Variants in EXOC3 observed in about 807,000 individuals in gnomAD.
EXOC3 encodes SEC6-like 1.
In EXOC3, 21 loss-of-function variants were observed where a neutral mutation model predicts 73.7. The ratio of observed to expected loss-of-function variants is 0.29; its 90% confidence interval spans 0.20 to 0.41. The LOEUF (loss-of-function observed/expected upper bound fraction) is 0.41, where lower values mean the gene tolerates loss of function less well. Ranked by LOEUF, EXOC3 falls within the 10% of genes least tolerant of loss-of-function variation. EXOC3 has a pLI of 1.00. For missense variants in EXOC3, 842 were observed against 985.1 expected (o/e 0.85, Z 1.95); for synonymous variants, 410 against 389.1 (o/e 1.05, Z -0.63).
chr5:466,794 A>G lies in EXOC3; in HGVS notation c.2134A>G (p.Met712Val). The change falls in exon 13 of 13, where the codon ATG becomes GTG. Residue 712 changes from methionine to valine, a missense_variant. By Grantham distance (21) the Met-to-Val change is conservative. Coordinates refer to ENST00000512944, the MANE Select transcript of EXOC3 (RefSeq NM_007277.5). ...CAGCCGTGACATGAAGCAGACCATC[A>G]TGGAGACCCTGGAGCAGGGCCCAGC... Reference protein sequence around the residue: ...DASRDMKQTIMETLEQGPAQA... With the variant: ...DASRDMKQTIVETLEQGPAQA... 1.9e-6 allele frequency: 3 copies of G among 1,613,466 alleles called. No homozygotes were observed. Among genetic ancestry groups the G allele is most frequent in the East Asian group, 2.2e-5 (1 of 44,880 alleles).
chr5:465,156 C>T lies in EXOC3; in HGVS notation c.1822C>T (p.Arg608Trp). The T allele has an allele frequency of 1.9e-6, 3 of 1,596,140 alleles. No individual in the cohort carries two copies. Among genetic ancestry groups the T allele is most frequent in the Non-Finnish European group, 2.6e-6 (3 of 1,172,170 alleles). ...CCGGCGCGTGGTGGTGGAGTACCTG[C>T]GGGCGGTCATGCAGAAGCGCATTTC... ...AHRRVVVEYLRAVMQKRISFR... is the reference protein window; with the variant it reads ...AHRRVVVEYLWAVMQKRISFR... The change falls in exon 11 of 13, where the codon CGG becomes TGG. Residue 608 changes from arginine (R) to tryptophan (W), a missense_variant. Coordinates refer to ENST00000512944, the MANE Select transcript of EXOC3 (RefSeq NM_007277.5).
chr5:465,758 T>C lies in EXOC3; in HGVS notation c.1979T>C (p.Val660Ala). ...GTGGACGGATACTGCGACACCATCG[T>C]GGCTGTGGCCGAAGTGATCAAGCTG... ...EDVDGYCDTI[V>A]AVAEVIKLTD... The change falls in exon 12 of 13, where the codon GTG becomes GCG. Residue 660 changes from valine to alanine, a missense_variant. Val to Ala is a moderately conservative substitution (Grantham distance 64, BLOSUM62 0). Coordinates refer to ENST00000512944, the MANE Select transcript of EXOC3 (RefSeq NM_007277.5). 1 of 1,613,904 alleles carries C rather than the reference T, an allele frequency of 6.2e-7. No individual in the cohort carries two copies. Among genetic ancestry groups the C allele is most frequent in the Non-Finnish European group, 8.5e-7 (1 of 1,179,846 alleles).
At chr5:464,130 C>G (rs1375474630) in intron 9 of EXOC3, among the ~76,000 whole-genome samples, 160 bp from the exon 10 acceptor site, 1 of 151,394 alleles carries the variant, frequency 6.6e-6, no homozygotes, top group Admixed American at 6.6e-5. Context: ...CCACGCTGCA[C>G]GCAGCTCTCG....
chr5:458,085 G>T, intron 6 of EXOC3, 60 bp downstream of exon 6: 1 of 1,546,062 alleles, frequency 6.5e-7, no homozygotes, highest in Admixed American at 1.9e-5. Context: ...GGACCTGTAG[G>T]TTTTACAAAG....
At chr5:460,488 C>A (rs56218301) in intron 7 of EXOC3, among the ~76,000 whole-genome samples, 21,306 of 152,266 alleles carry the variant, frequency 0.14, 1,948 homozygotes, top group Non-Finnish European at 0.2. Flanking sequence ...CTCAGAGTTC[C>A]CATTTGCCAT....
At chr5:462,129 G>A (rs1266188573) in intron 8 of EXOC3, 28 bp from the exon 9 acceptor site, 26 of 1,612,888 alleles carry the variant, frequency 1.6e-5, no homozygotes, top group Non-Finnish European at 2.1e-5. Context: ...CCCAGCCGCT[G>A]TGTTGAACCT....
chr5:456,640 G>A (rs953959256), intron 4 of EXOC3, among the ~76,000 whole-genome samples: 2 of 152,082 alleles, frequency 1.3e-5, no homozygotes, highest in Non-Finnish European at 2.9e-5. Context: ...CAAAGCCCTC[G>A]GCCCCTGCCC....
At position 455,522 on chromosome 5, in the gene EXOC3, C is replaced by T. The variant is rs191438699; in HGVS notation, c.1047-1367C>T. On this transcript the variant is annotated intron_variant, in intron 4 of 12. Coordinates refer to ENST00000512944, the MANE Select transcript of EXOC3 (RefSeq NM_007277.5). ...AGTACTTTTTCACTTAGGAAGCTCT[C>T]GGATTTCTTATAGTGGACTGGCTCT... is the stretch of plus-strand genomic sequence containing the variant. Among the ~76,000 whole-genome samples, 155 of 152,320 alleles carry T rather than the reference C, an allele frequency of 1.0e-3. No homozygotes were observed. In the South Asian group the frequency reaches 0.016, roughly 15 times the overall value.
At chr5:447,468 T>G in intron 2 of EXOC3, 65 bp from the exon 3 acceptor site, 2 of 1,225,978 alleles carry the variant, frequency 1.6e-6, no homozygotes, top group Non-Finnish European at 2.2e-6. Flanking sequence ...GGGGAAGATT[T>G]GTTCTTCAGG....
chr5:464,439 A>G (rs971618473), intron 10 of EXOC3, 27 bp downstream of exon 10: 1 of 1,610,412 alleles, frequency 6.2e-7, no homozygotes, highest in Non-Finnish European at 8.5e-7. Flanking sequence ...TAGTTCCCTC[A>G]TCACCTTGAC....
chr5:464,310 G>A lies in EXOC3; in HGVS notation c.1674G>A (p.Met558Ile), dbSNP rs146796409. 2 of 1,613,538 alleles carry A rather than the reference G, an allele frequency of 1.2e-6. No individual in the cohort carries two copies. Among genetic ancestry groups the A allele is most frequent in the African/African-American group, 1.3e-5 (1 of 75,054 alleles). ...TTCAGCAACATCTGAATGAATTGAT[G>A]ACGAAGAAGTGGCTATTAGGGTCAA... ...LDLEQHLNEL[M>I]TKKWLLGSNA... Residue 558 changes from methionine to isoleucine, a missense_variant, in exon 10 of 13, where the codon ATG (methionine) becomes ATA (isoleucine). Met to Ile is a conservative substitution (Grantham distance 10). Coordinates refer to ENST00000512944, the MANE Select transcript of EXOC3 (RefSeq NM_007277.5).
intron 2 of EXOC3, 60 bp from the exon 3 acceptor site, chr5:447,473 T>G (rs1219549762): frequency 1.6e-6 from 2 of 1,282,196 alleles, no homozygotes; most frequent in Admixed American, 2.6e-5. Context: ...AGATTTGTTC[T>G]TCAGGAGGCA....
rs1314934327 is a variant in EXOC3 at position 466,975 on chromosome 5, T to G, written c.*77T>G. 15 of 1,405,020 alleles carry G rather than the reference T, an allele frequency of 1.1e-5. No individual in the cohort carries two copies. The highest frequency in any genetic ancestry group is 1.4e-5 in the African/African-American group (1 of 70,012). 87.0% of individuals were successfully genotyped at this position (1,405,020 alleles called of 1,614,324 possible). A position where few individuals can be genotyped will look rare whatever the true frequency, so the allele number is the denominator to read the frequency against. ...AGAAACGCGGGACAGCTGATTGCTC[T>G]CCTTGGCCACACGTGCTCCTTTTAG... is the stretch of plus-strand genomic sequence containing the variant. On this transcript the variant is annotated 3_prime_UTR_variant, in exon 13 of 13. Coordinates refer to ENST00000512944, the MANE Select transcript of EXOC3 (RefSeq NM_007277.5).
At position 453,352 on chromosome 5, in the gene EXOC3, C is replaced by T. The variant is rs1237438517; in HGVS notation, c.365-18C>T. On this transcript the variant is annotated intron_variant, in intron 3 of 12. Transcript: ENST00000512944. Reference sequence around the variant, plus strand: ...GTGGTGGTGGTTGTTTATGTTGTGTCTTGTGCCTTCTCCCTAGTGCCTGAG... The same window carrying T: ...GTGGTGGTGGTTGTTTATGTTGTGTTTTGTGCCTTCTCCCTAGTGCCTGAG... 1.2e-5 allele frequency: 19 copies of T among 1,549,800 alleles called. No individual in the cohort carries two copies. Among genetic ancestry groups the T allele is most frequent in the Non-Finnish European group, 1.7e-5 (19 of 1,144,004 alleles).
At chr5:464,225 C>T in intron 9 of EXOC3, 65 bp from the exon 10 acceptor site, 1 of 1,552,002 alleles carries the variant, frequency 6.4e-7, no homozygotes, top group South Asian at 1.1e-5. Flanking sequence ...GCCTCCCTCC[C>T]ACATGCACTC....
At chr5:451,423 A>T (rs1737656457) in intron 3 of EXOC3, among the ~76,000 whole-genome samples, 1 of 152,180 alleles carries the variant, frequency 6.6e-6, no homozygotes, top group African/African-American at 2.4e-5. Flanking sequence ...TAATGCATTC[A>T]TTTTTAAAAA....
rs772315028 is a variant in EXOC3 at position 458,046 on chromosome 5, G to A, written c.1290+21G>A. On this transcript the variant is annotated intron_variant, in intron 6 of 12. Coordinates refer to ENST00000512944, the MANE Select transcript of EXOC3 (RefSeq NM_007277.5). Reference sequence around the variant, plus strand: ...TCCAGGTACCACCTGCAGGGGACTGGCACAGTTCCGTTTCCTAGGTGGATA... The same window carrying A: ...TCCAGGTACCACCTGCAGGGGACTGACACAGTTCCGTTTCCTAGGTGGATA... 3 of 1,608,364 alleles carry A rather than the reference G, an allele frequency of 1.9e-6. No individual in the cohort carries two copies. The South Asian group carries it at 3.3e-5, about 18-fold the overall frequency.
At chr5:447,891 C>G in intron 3 of EXOC3, 139 bp downstream of exon 3, 1 of 633,974 alleles carries the variant, frequency 1.6e-6, no homozygotes, top group Non-Finnish European at 2.7e-6. Flanking sequence ...TGCTCAGCGT[C>G]TTTTTTTGAA....
At chr5:450,020 C>A (rs1256538324) in intron 3 of EXOC3, among the ~76,000 whole-genome samples, 1 of 152,134 alleles carries the variant, frequency 6.6e-6, no homozygotes, top group Non-Finnish European at 1.5e-5. Flanking sequence ...CTGAGGCAGG[C>A]GGATCACCTG....
Sources: gnomAD v4.1 joint callset for allele counts (sites outside exome capture counted in the v4.1 genomes callset) on GRCh38, gnomAD v4.1.1 for gene constraint, MANE v1.5 for transcripts, NCBI Gene and HGNC (gene_info 2026-07-23, HGNC 2026-07-21) for gene names.